Variants in CNBD1 observed in about 807,000 individuals in gnomAD.
CNBD1 encodes the protein cyclic nucleotide-binding domain-containing protein 1.
In CNBD1, 71 loss-of-function variants were observed where a neutral mutation model predicts 54.4. That is an observed-to-expected ratio of 1.30 (90% CI 1.08 to 1.59). CNBD1 has a LOEUF of 1.59. CNBD1 is among the 40% of genes most tolerant of loss of function. The pLI, the probability that CNBD1 is intolerant of heterozygous loss-of-function variation, is 0.00. For missense variants in CNBD1, 659 were observed against 518.0 expected, an observed-to-expected ratio of 1.27 and a Z score of -2.64; for synonymous variants, 182 against 170.7, an observed-to-expected ratio of 1.07 and a Z score of -0.51.
At chr8:87,410,948 A>AT (rs59071936) in intron 2 of CNBD1, among the ~76,000 whole-genome samples, 5 of 151,946 alleles carry the variant, frequency 3.3e-5, no homozygotes, top group African/African-American at 1.2e-4. Context: ...GCAAGAAAGT[A>AT]TTTTTTAATT....
chr8:87,084,526 A>G (rs529750889), intron 4 of CNBD1, among the ~76,000 whole-genome samples: 38 of 152,136 alleles, frequency 2.5e-4, no homozygotes, highest in African/African-American at 8.9e-4. Context: ...TTTGATTTGC[A>G]TAATTTTTGA....
intron 8 of CNBD1, among the ~76,000 whole-genome samples, chr8:87,308,762 C>A (rs1809207042): frequency 6.6e-6 from 1 of 152,022 alleles, no homozygotes; most frequent in Admixed American, 6.6e-5. Flanking sequence ...CCTTCCTAGC[C>A]TCTCATATTG....
chr8:87,342,635 A>G (rs1344989135), intron 8 of CNBD1, among the ~76,000 whole-genome samples: 1 of 152,150 alleles, frequency 6.6e-6, no homozygotes, highest in Non-Finnish European at 1.5e-5. Context: ...AGGTAATTTT[A>G]CAGCTGGGCC....
At chr8:86,995,753 G>T (rs190825649) in intron 4 of CNBD1, among the ~76,000 whole-genome samples, 6 of 151,870 alleles carry the variant, frequency 4.0e-5, no homozygotes, top group African/African-American at 1.4e-4. Flanking sequence ...ACAATGGAAT[G>T]ATAAAAATGA....
chr8:87,387,597 T>G (rs1811216920), downstream of CNBD1, among the ~76,000 whole-genome samples: 1 of 152,010 alleles, frequency 6.6e-6, no homozygotes. Flanking sequence ...AGCACCCAGG[T>G]TCATAAAGCA....
At chr8:87,319,514 TA>T (rs1310340612) in intron 8 of CNBD1, among the ~76,000 whole-genome samples, 4 of 152,094 alleles carry the variant, frequency 2.6e-5, no homozygotes, top group African/African-American at 7.2e-5. Context: ...ATTTGAAGAA[TA>T]AAAAATGAGG....
intron 4 of CNBD1, among the ~76,000 whole-genome samples, chr8:87,075,466 G>T (rs562539455): frequency 6.6e-6 from 1 of 152,286 alleles, no homozygotes; most frequent in South Asian, 2.1e-4. Flanking sequence ...AAACTCTCCT[G>T]ATTACCACAT....
chr8:87,342,425 T>A (rs1810084116), intron 8 of CNBD1, among the ~76,000 whole-genome samples: 1 of 152,340 alleles, frequency 6.6e-6, no homozygotes, highest in East Asian at 1.9e-4. Context: ...TTCTCTCAGT[T>A]ACTACATTAT....
intron 2 of CNBD1, among the ~76,000 whole-genome samples, chr8:86,892,805 C>T (rs190159359): frequency 6.6e-6 from 1 of 152,022 alleles, no homozygotes; most frequent in East Asian, 1.9e-4. Context: ...TTTTCACTCA[C>T]AGGATGTTGG....
chr8:87,352,913 T>C (rs1468206898), intron 9 of CNBD1, among the ~76,000 whole-genome samples: 1 of 152,166 alleles, frequency 6.6e-6, no homozygotes, highest in Non-Finnish European at 1.5e-5. Context: ...GGTTATTTAG[T>C]AAATGCTTTA....
intron 8 of CNBD1, among the ~76,000 whole-genome samples, chr8:87,299,499 AGTTTTCAT>A (rs1244186182): frequency 6.6e-6 from 1 of 152,228 alleles, no homozygotes; most frequent in Non-Finnish European, 1.5e-5. Flanking sequence ...GATCTTCCTT[AGTTTTCAT>A]GTAAATGAAA....
In CNBD1 at chr8:87,410,829, G is replaced by T. The variant is rs137986224; in HGVS notation, c.214-17717G>T. 3.7e-3 allele frequency among the ~76,000 whole-genome samples: 569 copies of T among 152,188 alleles called. 6 individuals are homozygous for T. The highest frequency in any genetic ancestry group is 0.013 in the African/African-American group (553 of 41,546). On this transcript the variant is annotated intron_variant, in intron 2 of 7. Coordinates refer to the CNBD1 transcript ENST00000521593. Reference sequence around the variant, plus strand: ...ACTGCCACAGCCACCCCAACTATTAGCAACTACCACCCTGATAAATCTGCA... The same window carrying T: ...ACTGCCACAGCCACCCCAACTATTATCAACTACCACCCTGATAAATCTGCA...
intron 4 of CNBD1, among the ~76,000 whole-genome samples, chr8:87,039,204 C>T (rs1009002466): frequency 3.3e-5 from 5 of 152,052 alleles, no homozygotes; most frequent in Non-Finnish European, 7.4e-5. Context: ...ATTTCTTCAA[C>T]CTATGTTTAA....
chr8:87,266,438 CTTTTTTTT>C (rs72293236), intron 6 of CNBD1, among the ~76,000 whole-genome samples: 442 of 50,092 alleles, frequency 8.8e-3, no homozygotes, highest in African/African-American at 0.015. Context: ...AAAAAAAAAT[CTTTTTTTT>C]TTTTTTTTTT....
intron 6 of CNBD1, among the ~76,000 whole-genome samples, chr8:87,267,517 C>T (rs759891536): frequency 1.5e-4 from 23 of 152,146 alleles, no homozygotes; most frequent in Non-Finnish European, 2.6e-4. Context: ...ACAAAGAAAT[C>T]GTATCCATAG....
chr8:87,044,484 T>C (rs1810140151), intron 4 of CNBD1: 1 of 152,104 alleles, frequency 6.6e-6, no homozygotes. Context: ...AGCAAAAGTT[T>C]AATAAGCAAA....
At chr8:87,290,666 T>C (rs1363941557) in intron 8 of CNBD1, among the ~76,000 whole-genome samples, 1 of 152,286 alleles carries the variant, frequency 6.6e-6, no homozygotes, top group East Asian at 1.9e-4. Flanking sequence ...TAGTAACAAA[T>C]ACTGCCAGGT....
chr8:87,314,186 A>T (rs2130893283), intron 8 of CNBD1, among the ~76,000 whole-genome samples: 1 of 151,984 alleles, frequency 6.6e-6, no homozygotes, highest in East Asian at 1.9e-4. Context: ...ATGGATCTAA[A>T]ATGTGAATAT....
chr8:87,064,479 CTTCT>C (rs897586345), intron 4 of CNBD1, among the ~76,000 whole-genome samples: 13 of 151,760 alleles, frequency 8.6e-5, no homozygotes, highest in Admixed American at 7.9e-4. Flanking sequence ...AATCCACTGT[CTTCT>C]TTGTTGAATT....
Sources: allele counts gnomAD v4.1 joint callset (sites outside exome capture counted in the v4.1 genomes callset), GRCh38; gene constraint gnomAD v4.1.1; transcripts MANE v1.5; gene names NCBI Gene and HGNC (gene_info 2026-07-23, HGNC 2026-07-21).